Variants in PSPC1 observed in about 807,000 individuals in gnomAD.
PSPC1 encodes paraspeckle protein 1.
Under a neutral mutation model 51.6 loss-of-function variants are expected in PSPC1, and 14 were observed. The ratio of observed to expected loss-of-function variants is 0.27; its 90% CI spans 0.18 to 0.42. The LOEUF is 0.42. Among genes scored for constraint, PSPC1 ranks in the 10% least tolerant of loss-of-function variants. PSPC1 has a pLI of 1.00. For missense variants in PSPC1, 406 were observed against 701.1 expected (o/e 0.58, Z 4.75); for synonymous variants, 193 against 231.9 (o/e 0.83, Z 1.53).
At chr13:19,726,385 T>G (rs1883360803) in intron 6 of PSPC1, among the ~76,000 whole-genome samples, 1 of 152,214 alleles carries the variant, frequency 6.6e-6, no homozygotes, top group Admixed American at 6.5e-5. Context: ...GGTACCAACC[T>G]AGACACACTG....
chr13:19,753,751 A>G lies in PSPC1; in HGVS notation c.771-2284T>C, dbSNP rs144257647. Reference sequence around the variant, plus strand: ...AGGCTGTCACAGAGGGAAAGATGTAATAACAAGAGAGGGAAAGATATTCAG... The same window carrying G: ...AGGCTGTCACAGAGGGAAAGATGTAGTAACAAGAGAGGGAAAGATATTCAG... On this transcript the variant is annotated intron_variant, in intron 3 of 8. Transcript: ENST00000338910. Among the ~76,000 whole-genome samples the G allele has an allele frequency of 2.0e-4, 30 of 152,290 alleles. No individual in the cohort carries two copies. In the East Asian group the frequency reaches 3.9e-3, roughly 20 times the overall value.
chr13:19,744,721 C>T lies in PSPC1; in HGVS notation c.968-3072G>A, dbSNP rs1477716361. ...CTGGGATTATAGGCGCCCACAACCG[C>T]GCCCAGCTAATTTTTGTATTTTTAG... On this transcript the variant is annotated intron_variant, in intron 4 of 8. Transcript: ENST00000338910. Among the ~76,000 whole-genome samples, 8 of 152,098 alleles carry T rather than the reference C, an allele frequency of 5.3e-5. No individual in the cohort carries two copies. The South Asian group carries it at 8.3e-4, about 16-fold the overall frequency.
chr13:19,749,430 G>A (rs1886309517), intron 4 of PSPC1, among the ~76,000 whole-genome samples: 1 of 151,264 alleles, frequency 6.6e-6, no homozygotes, highest in African/African-American at 2.4e-5. Context: ...GGGAGGGTGA[G>A]GCACGAGAAT....
chr13:19,735,349 A>G (rs1324732717), intron 5 of PSPC1, among the ~76,000 whole-genome samples: 2 of 152,138 alleles, frequency 1.3e-5, no homozygotes, highest in East Asian at 3.9e-4. Flanking sequence ...GTAGGTGAGT[A>G]AATGGGTGGA....
chr13:19,677,961 T>G (rs1241587615), intron 6 of PSPC1: 2 of 353,144 alleles, frequency 5.7e-6, no homozygotes, highest in Non-Finnish European at 1.1e-5. Flanking sequence ...GCGTGCTGAT[T>G]ATTTCCATTC....
chr13:19,702,360 T>C (rs1880022074), downstream of PSPC1: 1 of 150,816 alleles, frequency 6.6e-6, no homozygotes. Context: ...ACAGTATTGT[T>C]TTATTTTAAA....
downstream of PSPC1, among the ~76,000 whole-genome samples, chr13:19,699,219 T>G (rs1318763236): frequency 2.0e-5 from 3 of 151,924 alleles, no homozygotes; most frequent in Non-Finnish European, 4.4e-5. Flanking sequence ...TTTTATTTTT[T>G]GTAGAGACGA....
At chr13:19,698,395 A>G (rs1478518248), downstream of PSPC1, among the ~76,000 whole-genome samples, 1 of 152,016 alleles carries the variant, frequency 6.6e-6, no homozygotes, top group Non-Finnish European at 1.5e-5. Context: ...TTTAAAAAAT[A>G]TAAGGTCCAC....
chr13:19,765,254 G>A (rs1390051483), intron 2 of PSPC1, among the ~76,000 whole-genome samples: 1 of 150,954 alleles, frequency 6.6e-6, no homozygotes, highest in East Asian at 1.9e-4. Flanking sequence ...AACCCAGAAG[G>A]CAGAGGTTGC....
At chr13:19,724,786 G>A (rs1883171497) in intron 6 of PSPC1, among the ~76,000 whole-genome samples, 1 of 152,112 alleles carries the variant, frequency 6.6e-6, no homozygotes, top group Non-Finnish European at 1.5e-5. Context: ...ATCACCTGAG[G>A]TCAAGAGATC....
intron 2 of PSPC1, among the ~76,000 whole-genome samples, chr13:19,765,750 A>G (rs1444554926): frequency 6.6e-6 from 1 of 152,176 alleles, no homozygotes; most frequent in Non-Finnish European, 1.5e-5. Flanking sequence ...CAAAAAAAAG[A>G]AAGCAAAAAA....
intron 2 of PSPC1, among the ~76,000 whole-genome samples, chr13:19,760,513 G>A (rs1420034224): frequency 1.3e-5 from 2 of 150,782 alleles, no homozygotes; most frequent in Non-Finnish European, 2.9e-5. Flanking sequence ...GGGCGACAGA[G>A]TGAGACTCTG....
downstream of PSPC1, chr13:19,671,857 C>CA: frequency 6.2e-7 from 1 of 1,614,106 alleles, no homozygotes. Context: ...TAGGTGCATA[C>CA]AGAGTGCAGC....
chr13:19,752,180 G>A (rs1001791834), intron 3 of PSPC1, among the ~76,000 whole-genome samples: 2 of 152,124 alleles, frequency 1.3e-5, no homozygotes, highest in Non-Finnish European at 2.9e-5. Context: ...CCAATTAATT[G>A]GGTAGGCCCC....
chr13:19,698,673 C>T (rs2137692199), downstream of PSPC1, among the ~76,000 whole-genome samples: 1 of 151,822 alleles, frequency 6.6e-6, no homozygotes, highest in South Asian at 2.1e-4. Context: ...TAAAGTTCAT[C>T]TGATTAAATG....
intron 5 of PSPC1, among the ~76,000 whole-genome samples, chr13:19,736,555 C>T (rs1566010663): frequency 6.6e-6 from 1 of 151,924 alleles, no homozygotes; most frequent in South Asian, 2.1e-4. Context: ...TGGTGACAGG[C>T]GCCTGTAATC....
At chr13:19,742,272 A>AAC (rs1885512466) in intron 4 of PSPC1, among the ~76,000 whole-genome samples, 1 of 151,684 alleles carries the variant, frequency 6.6e-6, no homozygotes, top group South Asian at 2.1e-4. Context: ...AAAAAAAAAA[A>AAC]AAAACAAACA....
At chr13:19,686,204 A>G (rs1266127669) in intron 6 of PSPC1, among the ~76,000 whole-genome samples, 1 of 152,192 alleles carries the variant, frequency 6.6e-6, no homozygotes. Flanking sequence ...CAGGGAAAAA[A>G]AATTCCCAAC....
chr13:19,676,136 C>A (rs1876606101), intron 7 of PSPC1, among the ~76,000 whole-genome samples: 1 of 152,194 alleles, frequency 6.6e-6, no homozygotes, highest in African/African-American at 2.4e-5. Context: ...ATCTATGCCA[C>A]AGACAGCTTA....
Sources: gnomAD v4.1 joint callset for allele counts (sites outside exome capture counted in the v4.1 genomes callset) on GRCh38, gnomAD v4.1.1 for gene constraint, MANE v1.5 for transcripts, NCBI Gene and HGNC (gene_info 2026-07-23, HGNC 2026-07-21) for gene names.